CAST: variants seen among roughly 807,000 people sequenced by gnomAD.
The protein encoded by CAST is MIR583 host.
A neutral mutation model predicts 119.6 loss-of-function variants in CAST; 76 were observed. That is an observed-to-expected ratio of 0.64 (90% CI 0.53 to 0.77). The LOEUF (loss-of-function observed/expected upper bound fraction) is 0.77. CAST is among the 30% of genes least tolerant of loss of function. The pLI is 0.00. For missense variants in CAST, 953 were observed against 946.5 expected, an observed-to-expected ratio of 1.01 and a Z score of -0.09; for synonymous variants, 319 against 331.6, an observed-to-expected ratio of 0.96 and a Z score of 0.41.
At chr5:95,996,375 C>T in the CAST span, among the ~76,000 whole-genome samples, 1 of 152,180 alleles carries the variant, frequency 6.6e-6, no homozygotes, top group Non-Finnish European at 1.5e-5. Context: ...TCTATGATAA[C>T]TTTCCTGATT....
the CAST span, among the ~76,000 whole-genome samples, chr5:96,229,119 G>A: frequency 5.9e-5 from 9 of 152,014 alleles, no homozygotes; most frequent in Admixed American, 5.9e-4. Flanking sequence ...TTTACCAGGT[G>A]AGAATGGATG....
At chr5:96,549,969 G>A (rs919637294) in intron 1 of CAST, among the ~76,000 whole-genome samples, 1 of 152,202 alleles carries the variant, frequency 6.6e-6, no homozygotes, top group Admixed American at 6.5e-5. Context: ...TTCCACCTCT[G>A]GGGGCAGGGC....
the CAST span, among the ~76,000 whole-genome samples, chr5:96,264,068 A>G: frequency 2.6e-5 from 4 of 152,334 alleles, no homozygotes; most frequent in East Asian, 7.7e-4. Flanking sequence ...CTTGCTCTTT[A>G]CCTAGCAAAA....
chr5:96,552,839 AC>A (rs1479698376), intron 1 of CAST, among the ~76,000 whole-genome samples: 3 of 152,116 alleles, frequency 2.0e-5, no homozygotes, highest in Non-Finnish European at 4.4e-5. Flanking sequence ...GGACACATAC[AC>A]CCTCCCAAGA....
intron 1 of CAST, among the ~76,000 whole-genome samples, chr5:96,655,490 C>A (rs1037753281): frequency 2.0e-5 from 3 of 152,190 alleles, no homozygotes; most frequent in African/African-American, 7.2e-5. Flanking sequence ...CAGTCAAATG[C>A]AGATGGCTCT....
chr5:96,087,424 C>G, the CAST span, among the ~76,000 whole-genome samples: 2 of 152,044 alleles, frequency 1.3e-5, no homozygotes, highest in African/African-American at 4.8e-5. Context: ...CAACTTTCTA[C>G]TTTTCATAGA....
At chr5:96,283,728 G>T in the CAST span, among the ~76,000 whole-genome samples, 1 of 152,180 alleles carries the variant, frequency 6.6e-6, no homozygotes, top group Non-Finnish European at 1.5e-5. Flanking sequence ...GACCGGCAGA[G>T]CCCAGAACGT....
chr5:96,166,765 A>G, the CAST span, among the ~76,000 whole-genome samples: 149 of 152,154 alleles, frequency 9.8e-4, no homozygotes, highest in African/African-American at 3.3e-3. Flanking sequence ...TCCTATCCTC[A>G]CTCATGAATT....
chr5:96,400,826 G>A, the CAST span, among the ~76,000 whole-genome samples: 1 of 149,824 alleles, frequency 6.7e-6, no homozygotes, highest in Admixed American at 6.6e-5. Flanking sequence ...GGTGGCTCAC[G>A]CCTGTAATCC....
intron 3 of CAST, among the ~76,000 whole-genome samples, chr5:96,699,748 G>T (rs1237325035): frequency 6.6e-6 from 1 of 152,108 alleles, no homozygotes. Flanking sequence ...GGGAAGGCAT[G>T]GACTGATAAG....
At chr5:96,233,186 AT>A in the CAST span, among the ~76,000 whole-genome samples, 1 of 152,124 alleles carries the variant, frequency 6.6e-6, no homozygotes, top group Non-Finnish European at 1.5e-5. Flanking sequence ...ACAATATCAA[AT>A]ATATAAAATG....
chr5:96,714,591 A>C (rs140241757), intron 3 of CAST: 1 of 152,196 alleles, frequency 6.6e-6, no homozygotes, highest in African/African-American at 2.4e-5. Context: ...AAGAAGCAGA[A>C]AGTAGGCTGC....
the CAST span, among the ~76,000 whole-genome samples, chr5:95,985,385 A>G: frequency 7.9e-5 from 12 of 152,208 alleles, no homozygotes; most frequent in Admixed American, 3.9e-4. Flanking sequence ...TTATGTTTCT[A>G]TTAATGCCAG....
chr5:96,084,536 A>G, the CAST span, among the ~76,000 whole-genome samples: 1 of 152,240 alleles, frequency 6.6e-6, no homozygotes, highest in Non-Finnish European at 1.5e-5. Flanking sequence ...TGATTCTATC[A>G]GTTACCATTT....
chr5:96,450,665 C>T, the CAST span, among the ~76,000 whole-genome samples: 2 of 152,042 alleles, frequency 1.3e-5, no homozygotes, highest in Non-Finnish European at 2.9e-5. Flanking sequence ...TATAATTTTC[C>T]CTGAATAATT....
intron 1 of CAST, among the ~76,000 whole-genome samples, chr5:96,555,400 C>T (rs961754256): frequency 6.6e-6 from 1 of 152,166 alleles, no homozygotes; most frequent in African/African-American, 2.4e-5. Flanking sequence ...GTGCAGCGCA[C>T]CCAGCGTGAG....
intron 10 of CAST, 36 bp from the exon 11 acceptor site, chr5:96,737,813 C>A (rs950971579): frequency 1.7e-5 from 21 of 1,228,076 alleles, no homozygotes; most frequent in Non-Finnish European, 2.4e-5. Context: ...ATATGTATAA[C>A]AAATAACATT....
At chr5:96,308,137 G>A in the CAST span, among the ~76,000 whole-genome samples, 1,882 of 151,970 alleles carry the variant, frequency 0.012, 18 homozygotes, top group Non-Finnish European at 0.019. Context: ...ATTTCTTGGA[G>A]GCTTTGTTCA....
At chr5:96,616,744 C>CTCTCTCTATATA (rs796241546) in intron 1 of CAST, among the ~76,000 whole-genome samples, 2 of 122,976 alleles carry the variant, frequency 1.6e-5, no homozygotes, top group East Asian at 2.2e-4. Context: ...CTCTCTCTCT[C>CTCTCTCTATATA]TATATATATA....
Sources: allele counts gnomAD v4.1 joint callset (sites outside exome capture counted in the v4.1 genomes callset), GRCh38; gene constraint gnomAD v4.1.1; transcripts MANE v1.5; gene names NCBI Gene and HGNC (gene_info 2026-07-23, HGNC 2026-07-21).